Variants in CEP170 observed in about 807,000 individuals in gnomAD.
CEP170 encodes the protein centrosomal protein of 170 kDa.
A neutral mutation model predicts 151.9 loss-of-function variants in CEP170; 21 were observed. That is an observed-to-expected ratio of 0.14 (90% CI 0.10 to 0.20). The LOEUF (loss-of-function observed/expected upper bound fraction) is 0.20, where lower values mean the gene tolerates loss of function less well. Among genes scored for constraint, CEP170 ranks in the 10% least tolerant of loss-of-function variants. The pLI is 1.00. For missense variants in CEP170, 964 were observed against 1,892.9 expected (o/e 0.51, Z 9.11); for synonymous variants, 356 against 648.8 (o/e 0.55, Z 6.86).
At chr1:243,173,094 C>T (rs1218957565) in intron 10 of CEP170, among the ~76,000 whole-genome samples, 3 of 151,390 alleles carry the variant, frequency 2.0e-5, no homozygotes, top group African/African-American at 7.3e-5. Context: ...GAGTTTCACT[C>T]TTGTTGCCCA....
chr1:243,156,326 T>C lies in CEP170; in HGVS notation c.3806A>G (p.Gln1269Arg), dbSNP rs2057548148. The C allele has an allele frequency of 6.3e-7, 1 of 1,588,438 alleles. No individual in the cohort carries two copies. Among genetic ancestry groups the C allele is most frequent in the Non-Finnish European group, 8.6e-7 (1 of 1,167,298 alleles). The part of the protein sequence containing the change: ...TSPALKTTRL[Q>R]SAGSAMPTSS... The stretch of plus-strand genomic sequence containing the variant: ...AGTAGGCATTGCTGATCCAGCGCTC[T>C]GCAAGCGAGTGGTTTTCAGGGCTGG... The change falls in exon 14 of 20, where the codon CAG becomes CGG. Residue 1269 changes from glutamine (Q) to arginine (R), a missense_variant. By Grantham distance (43) the Gln-to-Arg change is conservative (BLOSUM62 1). Coordinates refer to ENST00000366542, the MANE Select transcript of CEP170 (RefSeq NM_014812.3).
intron 12 of CEP170, among the ~76,000 whole-genome samples, chr1:243,167,191 A>C (rs912893002): frequency 2.6e-5 from 4 of 152,066 alleles, no homozygotes; most frequent in African/African-American, 9.6e-5. Flanking sequence ...AGTTTTTAAA[A>C]AGTATTATCT....
intron 16 of CEP170, among the ~76,000 whole-genome samples, chr1:243,137,114 T>C (rs2055180544): frequency 6.6e-6 from 1 of 152,220 alleles, no homozygotes; most frequent in African/African-American, 2.4e-5. Context: ...ATGAGCAAAT[T>C]ATGCATGTGG....
chr1:243,126,426 A>G lies in CEP170; in HGVS notation c.*23T>C, dbSNP rs747485991. On this transcript the variant is annotated 3_prime_UTR_variant, in exon 20 of 20. Coordinates refer to ENST00000366542, the MANE Select transcript of CEP170 (RefSeq NM_014812.3). ...ATTCCTAGCCATTCCACAGGTAATG[A>G]TTTTTCAACAATCAAGAGAAAGTCA... 6.3e-7 allele frequency: 1 copy of G among 1,590,296 alleles called. No individual in the cohort carries two copies. Among genetic ancestry groups the G allele is most frequent in the South Asian group, 1.1e-5 (1 of 87,508 alleles).
intron 2 of CEP170, among the ~76,000 whole-genome samples, chr1:243,224,176 A>G (rs1221231715): frequency 2.0e-5 from 3 of 152,218 alleles, no homozygotes; most frequent in African/African-American, 7.2e-5. Flanking sequence ...AATCTCTCAG[A>G]AATACATAAT....
At chr1:243,254,603 T>C (rs2066381253) in intron 1 of CEP170, 1 of 152,152 alleles carries the variant, frequency 6.6e-6, no homozygotes, top group Non-Finnish European at 1.5e-5. Context: ...AAAAATCCCT[T>C]CCCCAGCGGC....
At chr1:243,227,329 A>C (rs1458957801) in intron 1 of CEP170, among the ~76,000 whole-genome samples, 1 of 152,160 alleles carries the variant, frequency 6.6e-6, no homozygotes, top group Non-Finnish European at 1.5e-5. Flanking sequence ...TCTGTCAAAC[A>C]CCCAAGTGTA....
intron 4 of CEP170, among the ~76,000 whole-genome samples, chr1:243,205,264 T>C (rs1160501773): frequency 6.6e-6 from 1 of 152,114 alleles, no homozygotes; most frequent in African/African-American, 2.4e-5. Context: ...TGCCCACACA[T>C]AGGGCCAGGA....
intron 16 of CEP170, among the ~76,000 whole-genome samples, 192 bp downstream of exon 16, chr1:243,139,745 A>G (rs1294066975): frequency 6.6e-6 from 1 of 152,216 alleles, no homozygotes; most frequent in Admixed American, 6.5e-5. Context: ...AGAAAAAACA[A>G]TTACAGTATT....
At chr1:243,226,099 A>G (rs1244348742) in intron 1 of CEP170, among the ~76,000 whole-genome samples, 2 of 142,426 alleles carry the variant, frequency 1.4e-5, no homozygotes, top group Non-Finnish European at 3.1e-5. Flanking sequence ...ATCTATATAT[A>G]TACACGTATA....
chr1:243,164,233 C>T, intron 13 of CEP170, 51 bp downstream of exon 13: 2 of 1,318,424 alleles, frequency 1.5e-6, no homozygotes, highest in Non-Finnish European at 1.9e-6. Context: ...AAAAAAGGAG[C>T]CCCCAAATAT....
chr1:243,243,202 C>T (rs368649075), intron 1 of CEP170, among the ~76,000 whole-genome samples: 9 of 151,786 alleles, frequency 5.9e-5, no homozygotes, highest in Non-Finnish European at 7.4e-5. Flanking sequence ...CCAGCCTGGG[C>T]GACAGAGTGA....
chr1:243,151,093 T>C (rs890063426), intron 14 of CEP170, among the ~76,000 whole-genome samples: 4 of 152,346 alleles, frequency 2.6e-5, no homozygotes, highest in Admixed American at 1.3e-4. Flanking sequence ...TAGCTCCAAG[T>C]ATTTACTCTT....
chr1:243,189,556 C>T (rs199910618), intron 8 of CEP170, among the ~76,000 whole-genome samples: 1 of 65,818 alleles, frequency 1.5e-5, no homozygotes, highest in Non-Finnish European at 3.2e-5. Flanking sequence ...ACTCTGTCTC[C>T]AAAAAAAAAA....
At chr1:243,156,129 T>C in intron 14 of CEP170, 92 bp downstream of exon 14, 4 of 1,376,490 alleles carry the variant, frequency 2.9e-6, no homozygotes, top group Non-Finnish European at 3.9e-6. Context: ...TCTTAGACTA[T>C]TAGTAAAAAT....
Position 243,172,863 on chromosome 1 carries a change from T to C in CEP170, c.1567-17A>G. 1.3e-6 allele frequency: 2 copies of C among 1,526,074 alleles called. No homozygotes were observed. The highest frequency in any genetic ancestry group is 8.8e-7 in the Non-Finnish European group (1 of 1,139,696). 94.5% of individuals were successfully genotyped at this position (1,526,074 alleles called of 1,614,324 possible). On this transcript the variant is annotated splice_polypyrimidine_tract_variant and intron_variant, in intron 10 of 19. Transcript: ENST00000366542. The stretch of plus-strand genomic sequence containing the variant: ...TCCAAACACCTAGAGGGAAAAATTA[T>C]TTTATAAATGAAAACGAAAAGTCTG...
intron 1 of CEP170, among the ~76,000 whole-genome samples, chr1:243,233,742 ATATAT>A (rs758536828): frequency 1.1e-4 from 14 of 129,262 alleles, no homozygotes; most frequent in Middle Eastern, 4.1e-3. Flanking sequence ...CAAAAAAAAA[ATATAT>A]ATATATATAT....
At chr1:243,189,455 C>T (rs1361325039) in intron 8 of CEP170, among the ~76,000 whole-genome samples, 2 of 150,682 alleles carry the variant, frequency 1.3e-5, no homozygotes, top group Non-Finnish European at 2.9e-5. Flanking sequence ...ACTCGGGAGG[C>T]TGAGGCAGGA....
chr1:243,254,692 C>T (rs1391163716), intron 1 of CEP170, among the ~76,000 whole-genome samples: 1 of 151,500 alleles, frequency 6.6e-6, no homozygotes, highest in Non-Finnish European at 1.5e-5. Context: ...TGCACAAAGC[C>T]AGTCGAAAGC....
Sources: gnomAD v4.1 joint callset for allele counts (sites outside exome capture counted in the v4.1 genomes callset) on GRCh38, gnomAD v4.1.1 for gene constraint, MANE v1.5 for transcripts, NCBI Gene and HGNC (gene_info 2026-07-23, HGNC 2026-07-21) for gene names.